Variants in NRG3 observed in about 807,000 individuals in gnomAD.
NRG3 encodes neuregulin 3.
In NRG3, 31 loss-of-function variants were observed where a neutral mutation model predicts 66.9. The ratio of observed to expected loss-of-function variants is 0.46; its 90% CI spans 0.35 to 0.63. The LOEUF (loss-of-function observed/expected upper bound fraction) is 0.63. Ranked by LOEUF, NRG3 falls within the 20% of genes least tolerant of loss-of-function variation. NRG3 has a pLI of 0.00. For synonymous variants in NRG3, 393 were observed against 359.4 expected, an observed-to-expected ratio of 1.09 and a Z score of -1.06; for missense variants, 910 against 878.9, an observed-to-expected ratio of 1.04 and a Z score of -0.45.
At chr10:82,417,697 G>A (rs1394592586) in intron 2 of NRG3, among the ~76,000 whole-genome samples, 1 of 152,174 alleles carries the variant, frequency 6.6e-6, no homozygotes, top group Non-Finnish European at 1.5e-5. Context: ...TTCACAGTCA[G>A]CGAAATGGTG....
intron 1 of NRG3, among the ~76,000 whole-genome samples, chr10:82,022,080 G>A (rs1489765649): frequency 2.0e-5 from 3 of 151,678 alleles, no homozygotes; most frequent in Non-Finnish European, 4.4e-5. Flanking sequence ...TTACACATCT[G>A]TTAAAATTTT....
chr10:82,759,827 TATA>T (rs2059230600), intron 3 of NRG3, among the ~76,000 whole-genome samples: 1 of 152,054 alleles, frequency 6.6e-6, no homozygotes. Context: ...TGAAATCCAT[TATA>T]ATAATAATCA....
intron 1 of NRG3, among the ~76,000 whole-genome samples, chr10:82,306,776 G>A (rs12414252): frequency 7.3e-6 from 1 of 137,608 alleles, no homozygotes; most frequent in Admixed American, 7.7e-5. Context: ...CCATCCTATT[G>A]CTTTTTTTGA....
intron 1 of NRG3, among the ~76,000 whole-genome samples, chr10:82,268,722 A>G (rs2078434120): frequency 6.6e-6 from 1 of 152,014 alleles, no homozygotes; most frequent in South Asian, 2.1e-4. Flanking sequence ...CCTGTCTAGG[A>G]CATCATGCAA....
chr10:82,164,110 G>A, intron 1 of NRG3, among the ~76,000 whole-genome samples: 1 of 151,886 alleles, frequency 6.6e-6, no homozygotes, highest in East Asian at 2.0e-4. Flanking sequence ...TATTAGAGAT[G>A]GTGTTTCACC....
intron 2 of NRG3, among the ~76,000 whole-genome samples, chr10:82,585,030 G>C (rs1238118104): frequency 4.0e-5 from 6 of 151,708 alleles, no homozygotes; most frequent in African/African-American, 1.5e-4. Flanking sequence ...AACGGGGGGA[G>C]TTTTGGCTGT....
intron 1 of NRG3, among the ~76,000 whole-genome samples, chr10:82,018,922 T>G (rs1049510723): frequency 1.3e-5 from 2 of 148,268 alleles, no homozygotes; most frequent in Non-Finnish European, 2.9e-5. Flanking sequence ...TCGAATACAC[T>G]TTTTTTCTTT....
At chr10:81,949,613 A>T (rs997079681) in intron 1 of NRG3, among the ~76,000 whole-genome samples, 1 of 151,944 alleles carries the variant, frequency 6.6e-6, no homozygotes, top group Non-Finnish European at 1.5e-5. Context: ...ATTGTATGAC[A>T]TTTTTTTCTG....
chr10:82,339,546 C>T (rs1200996571), intron 1 of NRG3, among the ~76,000 whole-genome samples: 4 of 152,148 alleles, frequency 2.6e-5, no homozygotes, highest in Admixed American at 2.6e-4. Flanking sequence ...CCACCAGGTC[C>T]TTTCCACACA....
chr10:82,766,750 C>G (rs886891852), intron 3 of NRG3, among the ~76,000 whole-genome samples: 4 of 151,822 alleles, frequency 2.6e-5, no homozygotes, highest in African/African-American at 7.3e-5. Context: ...CATGTATTTC[C>G]TATTTCATCA....
intron 1 of NRG3, among the ~76,000 whole-genome samples, chr10:82,020,993 C>G (rs1017273733): frequency 6.6e-6 from 1 of 151,980 alleles, no homozygotes; most frequent in East Asian, 1.9e-4. Flanking sequence ...GAAGAAATTC[C>G]GGTGGAATTT....
intron 2 of NRG3, among the ~76,000 whole-genome samples, chr10:82,376,035 G>A (rs2085208433): frequency 6.6e-6 from 1 of 152,178 alleles, no homozygotes; most frequent in African/African-American, 2.4e-5. Flanking sequence ...CTTCATGCCA[G>A]TGCCTCACAG....
chr10:82,100,069 GTCT>G (rs2066633411), intron 1 of NRG3, among the ~76,000 whole-genome samples: 1 of 151,222 alleles, frequency 6.6e-6, no homozygotes, highest in African/African-American at 2.4e-5. Context: ...ATTTAATTAG[GTCT>G]TCTTTAATTT....
intron 1 of NRG3, among the ~76,000 whole-genome samples, chr10:81,894,655 G>A (rs1843353323): frequency 6.6e-6 from 1 of 152,152 alleles, no homozygotes; most frequent in Non-Finnish European, 1.5e-5. Context: ...AAACAGTCTA[G>A]AGGTCTTAAA....
At chr10:81,940,548 G>A (rs183159396) in intron 1 of NRG3, among the ~76,000 whole-genome samples, 1 of 151,874 alleles carries the variant, frequency 6.6e-6, no homozygotes, top group South Asian at 2.1e-4. Context: ...GAGGAGATGG[G>A]GGTCTCATTA....
intron 1 of NRG3, among the ~76,000 whole-genome samples, chr10:82,274,930 A>T (rs1046200283): frequency 6.6e-6 from 1 of 151,934 alleles, no homozygotes; most frequent in Non-Finnish European, 1.5e-5. Context: ...TCCAAACTTC[A>T]TGCCTTCCAC....
intron 1 of NRG3, among the ~76,000 whole-genome samples, chr10:82,310,528 G>A (rs1564779932): frequency 1.3e-5 from 2 of 152,118 alleles, no homozygotes; most frequent in Admixed American, 6.6e-5. Context: ...ATAACGTTGA[G>A]ACAACTGAGC....
intron 4 of NRG3, among the ~76,000 whole-genome samples, chr10:82,948,053 C>T (rs1291060067): frequency 6.6e-6 from 1 of 151,916 alleles, no homozygotes; most frequent in Non-Finnish European, 1.5e-5. Flanking sequence ...TTAAACTTTA[C>T]ATTTACATCT....
At chr10:82,701,834 A>G (rs1283615245) in intron 2 of NRG3, among the ~76,000 whole-genome samples, 2 of 152,210 alleles carry the variant, frequency 1.3e-5, no homozygotes, top group Non-Finnish European at 2.9e-5. Flanking sequence ...CAAGATCTAC[A>G]TTAGCTTTCG....
Sources: allele counts gnomAD v4.1 joint callset (sites outside exome capture counted in the v4.1 genomes callset), GRCh38; gene constraint gnomAD v4.1.1; transcripts MANE v1.5; gene names NCBI Gene and HGNC (gene_info 2026-07-23, HGNC 2026-07-21).